The following HEPACAM2 variants were observed in gnomAD, a reference collection of about 807,000 sequenced individuals.
HEPACAM2 encodes the protein mitotic kinetics regulator.
Under a neutral mutation model 49.6 loss-of-function variants are expected in HEPACAM2, and 49 were observed. That is an observed-to-expected ratio of 0.99 (90% CI 0.78 to 1.25). The LOEUF (loss-of-function observed/expected upper bound fraction) is 1.25, where lower values mean the gene tolerates loss of function less well. Ranked by LOEUF, HEPACAM2 falls within the 50% of genes most tolerant of loss-of-function variation. HEPACAM2 has a pLI of 0.00. For synonymous variants in HEPACAM2, 197 were observed against 202.9 expected (o/e 0.97, Z 0.25); for missense variants, 525 against 557.2 (o/e 0.94, Z 0.58).
chr7:93,204,634 A>G (rs1263846467), intron 4 of HEPACAM2, among the ~76,000 whole-genome samples: 3 of 152,172 alleles, frequency 2.0e-5, no homozygotes, highest in Non-Finnish European at 4.4e-5. Flanking sequence ...AAACCAGAGT[A>G]TCTCTACGTA....
chr7:93,199,639 A>AG (rs1412907461), intron 4 of HEPACAM2, among the ~76,000 whole-genome samples: 1 of 152,032 alleles, frequency 6.6e-6, no homozygotes, highest in African/African-American at 2.4e-5. Context: ...GACTTGGGGG[A>AG]GCCAGAGAAG....
At position 93,208,866 on chromosome 7, in the gene HEPACAM2, A is replaced by G; in HGVS notation, c.726T>C (p.Tyr242=). ...IIMPIIYYGP[Y]GLQVNSDKGL... is the part of the protein sequence containing the mutation. ...CTTTATCAGAATTCACTTGAAGTCC[A>G]TAAGGTCCATCTGCATCAATATAAA... The change falls in exon 4 of 10, where the codon TAT becomes TAC. Residue 242 remains tyrosine (Y), a synonymous_variant. Coordinates refer to ENST00000394468, the MANE Select transcript of HEPACAM2 (RefSeq NM_001039372.4). 4.4e-6 allele frequency: 7 copies of G among 1,599,812 alleles called. No homozygotes were observed. Among genetic ancestry groups the G allele is most frequent in the African/African-American group, 2.7e-5 (2 of 73,868 alleles).
chr7:93,195,969 G>A (rs2116635293), intron 7 of HEPACAM2, 68 bp from the exon 8 acceptor site: 6 of 1,087,714 alleles, frequency 5.5e-6, no homozygotes, highest in Middle Eastern at 4.1e-4. Context: ...TTAAACCTTT[G>A]TAAAACTTAT....
At chr7:93,219,575 G>C in intron 1 of HEPACAM2, 124 bp from the exon 2 acceptor site, 1 of 1,512,738 alleles carries the variant, frequency 6.6e-7, no homozygotes, top group Admixed American at 2.0e-5. Flanking sequence ...TCTAGGTACT[G>C]ACTATTCTAG....
intron 4 of HEPACAM2, among the ~76,000 whole-genome samples, chr7:93,200,344 G>A (rs1164027026): frequency 6.6e-6 from 1 of 151,986 alleles, no homozygotes; most frequent in Non-Finnish European, 1.5e-5. Context: ...CTTAACATCA[G>A]CTGATTCTTG....
At chr7:93,213,344 T>C (rs538397886) in intron 3 of HEPACAM2, among the ~76,000 whole-genome samples, 6 of 152,098 alleles carry the variant, frequency 3.9e-5, no homozygotes, top group Admixed American at 2.6e-4. Flanking sequence ...CATAAGTATA[T>C]AGTCAATCTT....
At chr7:93,230,308 A>G (rs1284740182), upstream of HEPACAM2, among the ~76,000 whole-genome samples, 3 of 152,192 alleles carry the variant, frequency 2.0e-5, no homozygotes, top group Admixed American at 2.0e-4. Flanking sequence ...GTGGTCTCGA[A>G]CCCTTATACA....
intron 8 of HEPACAM2, among the ~76,000 whole-genome samples, chr7:93,193,276 T>G (rs1793603031): frequency 6.6e-6 from 1 of 152,116 alleles, no homozygotes; most frequent in African/African-American, 2.4e-5. Context: ...CCATTCCACT[T>G]GCTATAGCTC....
chr7:93,208,644 A>C lies in HEPACAM2; in HGVS notation c.948T>G (p.Cys316Trp), dbSNP rs1175266524. Residue 316 changes from cysteine (C) to tryptophan (W), a missense_variant, in exon 4 of 10, where the codon TGT becomes TGG. By Grantham distance (215) the Cys-to-Trp change is radical. Transcript: ENST00000394468. ...VAQKTMDYVC[C>W]AYNNITGRQD... ...GCCTGCCGGTTATGTTGTTGTAAGC[A>C]CAGCACACATAGTCCATTGTCTTCT... The C allele has an allele frequency of 6.2e-7, 1 of 1,613,136 alleles. No individual in the cohort carries two copies. The highest frequency in any genetic ancestry group is 8.5e-7 in the Non-Finnish European group (1 of 1,179,436).
upstream of HEPACAM2, chr7:93,226,508 G>A: frequency 8.1e-7 from 1 of 1,241,692 alleles, no homozygotes; most frequent in East Asian, 2.3e-5. Flanking sequence ...ATTTGCTAGG[G>A]AAATTAGCAG....
At chr7:93,207,863 T>C (rs1584342384) in intron 4 of HEPACAM2, among the ~76,000 whole-genome samples, 1 of 151,996 alleles carries the variant, frequency 6.6e-6, no homozygotes, top group Admixed American at 6.6e-5. Context: ...CAGTGTTACA[T>C]GAAGACATGG....
chr7:93,190,126 C>T (rs1793505687), intron 9 of HEPACAM2, among the ~76,000 whole-genome samples: 1 of 151,804 alleles, frequency 6.6e-6, no homozygotes, highest in South Asian at 2.1e-4. Context: ...AGTAAATGTC[C>T]TGGAAATGTT....
At chr7:93,218,586 T>C (rs1317842866) in intron 2 of HEPACAM2, among the ~76,000 whole-genome samples, 1 of 152,180 alleles carries the variant, frequency 6.6e-6, no homozygotes, top group Non-Finnish European at 1.5e-5. Flanking sequence ...ATTTTACATA[T>C]GTCACTTATT....
intron 8 of HEPACAM2, among the ~76,000 whole-genome samples, chr7:93,195,620 T>C (rs1001879756): frequency 1.3e-5 from 2 of 152,194 alleles, no homozygotes; most frequent in Non-Finnish European, 2.9e-5. Flanking sequence ...CTTATTTGTG[T>C]TAGCTTTACT....
At chr7:93,191,203 C>G (rs561876149) in intron 9 of HEPACAM2, among the ~76,000 whole-genome samples, 4 of 151,714 alleles carry the variant, frequency 2.6e-5, no homozygotes, top group African/African-American at 7.3e-5. Context: ...TAATGCAATG[C>G]TTTACAACAT....
intron 4 of HEPACAM2, among the ~76,000 whole-genome samples, chr7:93,202,112 A>G (rs1256780762): frequency 6.7e-6 from 1 of 150,174 alleles, no homozygotes; most frequent in Non-Finnish European, 1.5e-5. Context: ...GAAAAAAAAT[A>G]CCAAATAATA....
At position 93,192,874 on chromosome 7, in the gene HEPACAM2, G is replaced by C. The variant is rs184122275; in HGVS notation, c.1276-511C>G. Among the ~76,000 whole-genome samples the C allele has an allele frequency of 9.9e-4, 151 of 152,110 alleles. 1 individual carries two copies. The highest frequency in any genetic ancestry group is 2.0e-3 in the African/African-American group (83 of 41,532). On this transcript the variant is annotated intron_variant, in intron 8 of 9. Transcript: ENST00000394468. ...TGGAACACTCAAAGGAAAATGTTTT[G>C]GTTTAAATGTAGTAATGGACTGTAA...
chr7:93,192,298 A>C lies in HEPACAM2; in HGVS notation c.1341T>G (p.Tyr447Ter), dbSNP rs778014128. 1.8e-5 allele frequency: 29 copies of C among 1,612,790 alleles called. No homozygotes were observed. The highest frequency in any genetic ancestry group is 2.0e-5 in the Non-Finnish European group (24 of 1,179,222). The change falls in exon 9 of 10, where the codon TAT becomes TAG. Residue 447 changes from tyrosine to a stop codon, truncating the protein, a stop_gained. Transcript: ENST00000394468. LOFTEE classifies it high-confidence loss of function. ...GGGCAGGGATGTGCTGAATAACTTC[A>C]TACACTGTACTGTGCAAATCTTGCC... The part of the protein sequence containing the change: ...VSGQDLHSTV[Y>*]EVIQHIPAQQ...
intron 4 of HEPACAM2, among the ~76,000 whole-genome samples, chr7:93,202,032 C>CAAAAAAAAAAAAAAA (rs71998232): frequency 9.8e-6 from 1 of 102,008 alleles, no homozygotes; most frequent in Non-Finnish European, 1.9e-5. Context: ...AAAAAAAAAC[C>CAAAAAAAAAAAAAAA]AAAAAAAAAA....
Sources: allele counts gnomAD v4.1 joint callset (sites outside exome capture counted in the v4.1 genomes callset), GRCh38; gene constraint gnomAD v4.1.1; transcripts MANE v1.5; gene names NCBI Gene and HGNC (gene_info 2026-07-23, HGNC 2026-07-21).